The following DEAF1 variants were observed in gnomAD, a reference collection of about 807,000 sequenced individuals.
DEAF1 encodes the protein DEAF1 transcription factor.
In DEAF1, 53 loss-of-function variants were observed where a neutral mutation model predicts 58.9. That is an observed-to-expected ratio of 0.90 (90% CI 0.72 to 1.13). The LOEUF (loss-of-function observed/expected upper bound fraction) is 1.13, where lower values mean the gene tolerates loss of function less well. Ranked by LOEUF, DEAF1 falls within the 50% of genes most tolerant of loss-of-function variation. The probability of loss-of-function intolerance (pLI) is 0.00; values close to 1 mark genes in which losing one functional copy is unlikely to be tolerated. For synonymous variants in DEAF1, 385 were observed against 340.4 expected, an observed-to-expected ratio of 1.13 and a Z score of -1.44; for missense variants, 685 against 791.4, an observed-to-expected ratio of 0.87 and a Z score of 1.61.
At chr11:662,022 C>G (rs1168228729) in intron 10 of DEAF1, among the ~76,000 whole-genome samples, 2 of 152,154 alleles carry the variant, frequency 1.3e-5, no homozygotes, top group Non-Finnish European at 2.9e-5. Context: ...ATGGGCCGGG[C>G]GCGGTGGCTC....
chr11:704,573 C>T (rs1202953214), intron 1 of DEAF1: 7 of 1,287,870 alleles, frequency 5.4e-6, no homozygotes, highest in Non-Finnish European at 6.1e-6. Context: ...ATCTGGAGGA[C>T]CCAGCCCACA....
At chr11:674,869 G>A in intron 9 of DEAF1, 86 bp from the exon 10 acceptor site, 1 of 1,577,666 alleles carries the variant, frequency 6.3e-7, no homozygotes, top group South Asian at 1.1e-5. Context: ...TCTCAGCCGG[G>A]CGCGGTGGCT....
chr11:674,883 G>T, intron 9 of DEAF1, 100 bp from the exon 10 acceptor site: 1 of 1,519,866 alleles, frequency 6.6e-7, no homozygotes, highest in Non-Finnish European at 8.9e-7. Flanking sequence ...GGTGGCTCAC[G>T]CCTGTAATCC....
chr11:689,078 G>C (rs561740306), intron 2 of DEAF1, among the ~76,000 whole-genome samples: 45 of 152,332 alleles, frequency 3.0e-4, no homozygotes, highest in Non-Finnish European at 7.3e-5. Context: ...CCCCACGGTG[G>C]GGCAGACCAG....
chr11:704,576 A>G (rs533797204), intron 1 of DEAF1: 1 of 1,287,324 alleles, frequency 7.8e-7, no homozygotes, highest in East Asian at 5.6e-5. Flanking sequence ...TGGAGGACCC[A>G]GCCCACAAAC....
intron 1 of DEAF1, among the ~76,000 whole-genome samples, chr11:702,624 C>G (rs12285108): frequency 1.3e-5 from 2 of 152,232 alleles, no homozygotes; most frequent in Non-Finnish European, 2.9e-5. Context: ...ATTAGGAAAA[C>G]GTGGCAGATG....
intron 11 of DEAF1, among the ~76,000 whole-genome samples, chr11:650,429 T>G (rs1375807101): frequency 7.5e-6 from 1 of 133,246 alleles, no homozygotes. Flanking sequence ...GATTAAAACC[T>G]AAGATCCAAC....
intron 10 of DEAF1, among the ~76,000 whole-genome samples, chr11:658,373 G>A (rs1027052562): frequency 1.3e-5 from 2 of 152,232 alleles, no homozygotes; most frequent in Non-Finnish European, 2.9e-5. Context: ...AGCTTGCAGT[G>A]AGCCGAGAAC....
At chr11:665,482 C>T (rs1266817376) in intron 10 of DEAF1, among the ~76,000 whole-genome samples, 14 of 152,348 alleles carry the variant, frequency 9.2e-5, no homozygotes, top group African/African-American at 3.4e-4. Flanking sequence ...ACGGGATGTT[C>T]ACTGCAACAG....
intron 10 of DEAF1, among the ~76,000 whole-genome samples, chr11:662,355 G>C (rs1288144951): frequency 6.6e-6 from 1 of 152,214 alleles, no homozygotes; most frequent in Non-Finnish European, 1.5e-5. Context: ...GCCCAGGGAA[G>C]AGAAAAGATT....
At chr11:661,971 C>T (rs1589983954) in intron 10 of DEAF1, among the ~76,000 whole-genome samples, 1 of 152,316 alleles carries the variant, frequency 6.6e-6, no homozygotes, top group East Asian at 1.9e-4. Context: ...GATGGCTTTG[C>T]ATGAGGCCCA....
At chr11:687,401 T>C (rs1433735732) in intron 4 of DEAF1, among the ~76,000 whole-genome samples, 3 of 152,222 alleles carry the variant, frequency 2.0e-5, no homozygotes, top group Non-Finnish European at 1.5e-5. Context: ...CCCCAGATGG[T>C]TCCTGGGCGC....
At chr11:695,403 C>T (rs1861081391), upstream of DEAF1, 2 of 422,102 alleles carry the variant, frequency 4.7e-6, no homozygotes, top group Non-Finnish European at 8.2e-6. Context: ...TCGGCCCCTG[C>T]TCTCCTCACT....
chr11:703,395 A>G (rs1861588915), intron 1 of DEAF1: 1 of 1,365,196 alleles, frequency 7.3e-7, no homozygotes, highest in Non-Finnish European at 9.4e-7. Context: ...ACTGCCTTCA[A>G]GATGAGTCCC....
Position 681,029 on chromosome 11 carries a change from T to G in DEAF1, c.931A>C (p.Thr311Pro). The G allele has an allele frequency of 6.2e-7, 1 of 1,614,098 alleles. No homozygotes were observed. Among genetic ancestry groups the G allele is most frequent in the Non-Finnish European group, 8.5e-7 (1 of 1,180,010 alleles). ...GGGGAGTCCTTCTTCACGGGAGTTGTGGGCAGTTCATTCTCCTTCTTGCGC... is the reference window on the plus strand; with the variant it reads ...GGGGAGTCCTTCTTCACGGGAGTTGGGGGCAGTTCATTCTCCTTCTTGCGC... ...KRRKKENELPTTPVKKDSPKN... is the reference protein window; with the variant it reads ...KRRKKENELPPTPVKKDSPKN... The change falls in exon 7 of 12, where the codon ACA (threonine) becomes CCA (proline). Residue 311 changes from threonine (T) to proline (P), a missense_variant. Physicochemically the swap from Thr to Pro is conservative, Grantham distance 38 (BLOSUM62 -1). This residue lies in a region of DEAF1 where 343 missense variants were observed against 379.8 expected (regional missense o/e 0.90). Transcript: ENST00000382409.
intron 8 of DEAF1, among the ~76,000 whole-genome samples, chr11:679,397 G>A (rs1230664920): frequency 6.6e-6 from 1 of 152,262 alleles, no homozygotes; most frequent in East Asian, 1.9e-4. Flanking sequence ...CAGCTAGGCT[G>A]CATTTCTGTT....
At chr11:658,569 A>C (rs147717609) in intron 10 of DEAF1, among the ~76,000 whole-genome samples, 2 of 152,398 alleles carry the variant, frequency 1.3e-5, no homozygotes, top group Non-Finnish European at 2.9e-5. Flanking sequence ...TCAGGAAATC[A>C]CAGGACTGCG....
intron 8 of DEAF1, 79 bp from the exon 9 acceptor site, chr11:678,901 C>A: frequency 6.3e-7 from 1 of 1,580,524 alleles, no homozygotes; most frequent in Admixed American, 1.7e-5. Flanking sequence ...TGTATGGCTG[C>A]GCCATTCAGT....
At chr11:698,706 C>T (rs566259999), upstream of DEAF1, among the ~76,000 whole-genome samples, 24 of 152,256 alleles carry the variant, frequency 1.6e-4, no homozygotes, top group Admixed American at 1.1e-3. Flanking sequence ...TAGAGAGGCA[C>T]GGGAGCTATC....
Sources: allele counts gnomAD v4.1 joint callset (sites outside exome capture counted in the v4.1 genomes callset), GRCh38; gene constraint gnomAD v4.1.1; regional missense constraint gnomAD v4.1.1; transcripts MANE v1.5; gene names NCBI Gene and HGNC (gene_info 2026-07-23, HGNC 2026-07-21).